The following MAPK6 variants were observed in gnomAD, a reference collection of about 807,000 sequenced individuals.
The protein encoded by MAPK6 is mitogen-activated protein kinase 6.
Under a neutral mutation model 59.3 loss-of-function variants are expected in MAPK6, and 19 were observed. The ratio of observed to expected loss-of-function variants is 0.32; its 90% CI spans 0.22 to 0.47. MAPK6 has a LOEUF of 0.47. Ranked by LOEUF, MAPK6 falls within the 20% of genes least tolerant of loss-of-function variation. The pLI is 1.00. For missense variants in MAPK6, 724 were observed against 847.9 expected (o/e 0.85, Z 1.81); for synonymous variants, 316 against 290.3 (o/e 1.09, Z -0.90).
chr15:51,974,378 C>T (rs962998358), intron 1 of MAPK6, among the ~76,000 whole-genome samples: 2 of 151,372 alleles, frequency 1.3e-5, no homozygotes, highest in African/African-American at 4.8e-5. Flanking sequence ...CTTGACAGGC[C>T]GGGCACGGTG....
intron 1 of MAPK6, among the ~76,000 whole-genome samples, chr15:52,028,974 A>T (rs953233627): frequency 6.6e-6 from 1 of 152,186 alleles, no homozygotes; most frequent in East Asian, 1.9e-4. Context: ...CGGCCTATTC[A>T]TCTACTTCTC....
intron 1 of MAPK6, among the ~76,000 whole-genome samples, chr15:52,019,758 G>T (rs1194264336): frequency 4.6e-5 from 7 of 151,764 alleles, no homozygotes; most frequent in African/African-American, 1.4e-4. Context: ...CGCCGCCTGC[G>T]CCTGGCTCCG....
chr15:52,022,510 C>T (rs1034856148), intron 1 of MAPK6, among the ~76,000 whole-genome samples: 1 of 152,170 alleles, frequency 6.6e-6, no homozygotes, highest in African/African-American at 2.4e-5. Flanking sequence ...AATCTGCCTG[C>T]CTCAGCCTTC....
intron 3 of MAPK6, among the ~76,000 whole-genome samples, chr15:52,005,237 G>A (rs1000785569): frequency 2.0e-5 from 3 of 152,056 alleles, no homozygotes; most frequent in Non-Finnish European, 4.4e-5. Context: ...AATGAAGAGA[G>A]ATCTGGGCCA....
chr15:51,996,220 AG>A (rs965032399), intron 2 of MAPK6, among the ~76,000 whole-genome samples: 12 of 152,186 alleles, frequency 7.9e-5, no homozygotes, highest in Non-Finnish European at 1.3e-4. Context: ...TAACAGAAGA[AG>A]ACCTAACCTC....
chr15:52,060,216 G>T (rs1183272153), intron 4 of MAPK6, among the ~76,000 whole-genome samples: 1 of 152,164 alleles, frequency 6.6e-6, no homozygotes, highest in African/African-American at 2.4e-5. Context: ...TCCAGCCTGG[G>T]CAACCGCAAA....
intron 2 of MAPK6, among the ~76,000 whole-genome samples, chr15:51,994,544 T>TA (rs1342592058): frequency 6.6e-5 from 10 of 151,978 alleles, no homozygotes; most frequent in Middle Eastern, 3.4e-3. Flanking sequence ...ACCCAGTATC[T>TA]AAAAAAAAGA....
At chr15:51,988,846 G>A (rs1027032932) in intron 2 of MAPK6, among the ~76,000 whole-genome samples, 4 of 152,082 alleles carry the variant, frequency 2.6e-5, no homozygotes, top group Admixed American at 2.6e-4. Flanking sequence ...AAAGGTGTCA[G>A]CAGGGCTGTG....
At chr15:52,015,727 C>T (rs1271941979), upstream of MAPK6, among the ~76,000 whole-genome samples, 1 of 148,708 alleles carries the variant, frequency 6.7e-6, no homozygotes, top group East Asian at 2.2e-4. Context: ...GCTGGGATTA[C>T]AGGCGTGAGT....
intron 2 of MAPK6, among the ~76,000 whole-genome samples, chr15:51,988,169 G>A (rs1033299702): frequency 6.6e-6 from 1 of 151,918 alleles, no homozygotes; most frequent in Non-Finnish European, 1.5e-5. Context: ...ATAGCTGATG[G>A]CCACTAAATG....
At chr15:52,057,258 G>A (rs1240366724) in intron 3 of MAPK6, 1 of 151,596 alleles carries the variant, frequency 6.6e-6, no homozygotes, top group African/African-American at 2.4e-5. Context: ...GGGTGGTCCT[G>A]TTGAAAGACA....
At chr15:52,016,471 A>G (rs1245704238), upstream of MAPK6, among the ~76,000 whole-genome samples, 2 of 152,216 alleles carry the variant, frequency 1.3e-5, no homozygotes, top group Non-Finnish European at 2.9e-5. Flanking sequence ...TGCAATAAAT[A>G]TAACTTGAAT....
At chr15:51,993,093 G>C (rs964376484) in intron 2 of MAPK6, among the ~76,000 whole-genome samples, 1 of 152,218 alleles carries the variant, frequency 6.6e-6, no homozygotes, top group African/African-American at 2.4e-5. Context: ...TCACATAGTT[G>C]GTTCCCCTGG....
Position 52,065,045 on chromosome 15 carries a change from TTTGTC to T in MAPK6, c.*48_*52del, listed in dbSNP as rs1226818221. On this transcript the variant is annotated 3_prime_UTR_variant, in exon 6 of 6. Coordinates refer to ENST00000261845, the MANE Select transcript of MAPK6 (RefSeq NM_002748.4). ...TCTTTGTATTCTTCATGAAATGTGTTTTGTCTTTTTTTATTACTAGTGTTTAAGTC... is the reference window on the plus strand; with the variant it reads ...TCTTTGTATTCTTCATGAAATGTGTTTTTTTTTATTACTAGTGTTTAAGTC... The T allele has an allele frequency of 1.3e-6, 2 of 1,502,082 alleles. No individual in the cohort carries two copies. Among genetic ancestry groups the T allele is most frequent in the African/African-American group, 1.4e-5 (1 of 71,902 alleles). The allele number at this position is 1,502,082 out of a possible 1,614,324, so 93.0% of individuals were successfully genotyped here.
intron 3 of MAPK6, chr15:52,056,554 A>ATAATGCTAAATCCCTTGTCAATTC (rs1566912826): frequency 2.0e-5 from 3 of 151,968 alleles, no homozygotes; most frequent in Admixed American, 2.0e-4. Flanking sequence ...AGTGATCTCC[A>ATAATGCTAAATCCCTTGTCAATTC]TAATGCTAAA....
intron 1 of MAPK6, among the ~76,000 whole-genome samples, chr15:51,980,495 T>G (rs1051451465): frequency 8.8e-5 from 13 of 148,086 alleles, no homozygotes; most frequent in African/African-American, 3.2e-4. Flanking sequence ...TCCTACCAGT[T>G]TGGTATCTAG....
chr15:52,061,309 C>T lies in MAPK6; in HGVS notation c.876C>T (p.Phe292=), dbSNP rs752524639. The change falls in exon 5 of 6, where the codon TTC becomes TTT. Residue 292 remains phenylalanine (F), a synonymous_variant. Coordinates refer to ENST00000261845, the MANE Select transcript of MAPK6 (RefSeq NM_002748.4). The part of the protein sequence containing the change: ...LPGISREALD[F]LEQILTFSPM... ...CCTTTTCCTCTGCAGCACTGGATTT[C>T]CTGGAACAAATTTTGACATTTAGCC... is the stretch of plus-strand genomic sequence containing the variant. 13 of 1,613,858 alleles carry T rather than the reference C, an allele frequency of 8.1e-6. No homozygotes were observed. The highest frequency in any genetic ancestry group is 2.2e-5 in the South Asian group (2 of 91,078).
chr15:52,063,887 A>T lies in MAPK6; in HGVS notation c.1068-15A>T. On this transcript the variant is annotated splice_polypyrimidine_tract_variant and intron_variant, in intron 5 of 5. Coordinates refer to ENST00000261845, the MANE Select transcript of MAPK6 (RefSeq NM_002748.4). The stretch of plus-strand genomic sequence containing the variant: ...CATATACGTAGAATAACGCTAGTGT[A>T]TTGATTTTTTTCAGGTATCATGATT... The T allele has an allele frequency of 6.5e-7, 1 of 1,530,166 alleles. No homozygotes were observed. The highest frequency in any genetic ancestry group is 8.8e-7 in the Non-Finnish European group (1 of 1,141,218). 94.8% of individuals were successfully genotyped at this position (1,530,166 alleles called of 1,614,324 possible). A position where few individuals can be genotyped will look rare whatever the true frequency, so the allele number is the denominator to read the frequency against.
At chr15:52,039,980 T>A (rs929721785) in intron 1 of MAPK6, among the ~76,000 whole-genome samples, 1 of 152,200 alleles carries the variant, frequency 6.6e-6, no homozygotes, top group African/African-American at 2.4e-5. Flanking sequence ...TTATTTGTTG[T>A]TAATAGTTTA....
Sources: allele counts gnomAD v4.1 joint callset (sites outside exome capture counted in the v4.1 genomes callset), GRCh38; gene constraint gnomAD v4.1.1; transcripts MANE v1.5; gene names NCBI Gene and HGNC (gene_info 2026-07-23, HGNC 2026-07-21).